Variants in AAK1 observed in about 807,000 individuals in gnomAD.
AAK1 encodes the protein AP2 associated kinase 1.
Under a neutral mutation model 116.0 loss-of-function variants are expected in AAK1, and 37 were observed. The observed-to-expected ratio is 0.32, with a 90% CI of 0.25 to 0.42. The LOEUF is 0.42. Ranked by LOEUF, AAK1 falls within the 10% of genes least tolerant of loss-of-function variation. AAK1 has a pLI of 1.00. For synonymous variants in AAK1, 458 were observed against 439.9 expected (o/e 1.04, Z -0.51); for missense variants, 919 against 1,170.6 (o/e 0.79, Z 3.14).
chr2:69,527,161 C>T, intron 9 of AAK1, 55 bp downstream of exon 9: 1 of 1,302,700 alleles, frequency 7.7e-7, no homozygotes, highest in Non-Finnish European at 1.1e-6. Flanking sequence ...ACCCCAGGAG[C>T]TCAAAATGGC....
At chr2:69,530,528 A>G in intron 7 of AAK1, 97 bp downstream of exon 7, 1 of 999,060 alleles carries the variant, frequency 1.0e-6, no homozygotes, top group South Asian at 1.4e-5. Context: ...GATATGGTAC[A>G]GTAGCCACCA....
chr2:69,558,199 G>A lies in AAK1; in HGVS notation c.164-1221C>T, dbSNP rs370412304. On this transcript the variant is annotated intron_variant, in intron 2 of 21. Coordinates refer to ENST00000409085, the MANE Select transcript of AAK1 (RefSeq NM_014911.5). ...CTCTACAAAAAATACAAAAATTAGC[G>A]AGGCATGGTGGGCGCACACCTATGG... Among the ~76,000 whole-genome samples the A allele has an allele frequency of 4.6e-5, 7 of 152,010 alleles. No individual in the cohort carries two copies. The South Asian group carries it at 6.2e-4, about 14-fold the overall frequency.
At chr2:69,477,103 G>T in intron 20 of AAK1, 113 bp from the exon 21 acceptor site, 1 of 594,146 alleles carries the variant, frequency 1.7e-6, no homozygotes, top group Non-Finnish European at 2.8e-6. Flanking sequence ...TATTTTCAAA[G>T]GTGAAAGGAT....
chr2:69,512,099 C>T (rs1306294584), intron 13 of AAK1, among the ~76,000 whole-genome samples: 1 of 152,110 alleles, frequency 6.6e-6, no homozygotes, highest in African/African-American at 2.4e-5. Flanking sequence ...TCTTTTCTGC[C>T]CCATGATGCC....
chr2:69,551,001 C>T (rs1284396223), intron 3 of AAK1, among the ~76,000 whole-genome samples: 2 of 151,994 alleles, frequency 1.3e-5, no homozygotes, highest in African/African-American at 2.4e-5. Flanking sequence ...AATCCCCATC[C>T]CCTATAGTGA....
chr2:69,593,366 A>T (rs1673119175), intron 2 of AAK1, among the ~76,000 whole-genome samples: 1 of 152,244 alleles, frequency 6.6e-6, no homozygotes, highest in East Asian at 1.9e-4. Context: ...TATTGAGTTT[A>T]AAAAAACAGG....
chr2:69,461,532 T>C lies in AAK1; in HGVS notation c.*14337A>G. The C allele has an allele frequency of 3.9e-6, 1 of 255,580 alleles. No homozygotes were observed. Among genetic ancestry groups the C allele is most frequent in the Non-Finnish European group, 7.9e-6 (1 of 126,560 alleles). 15.8% of individuals were successfully genotyped at this position (255,580 alleles called of 1,614,324 possible). A position where few individuals can be genotyped will look rare whatever the true frequency, so the allele number is the denominator to read the frequency against. Reference sequence around the variant, plus strand: ...AAAAAAAAAGTAATTTGCATGTGTTTGCATCCGTTTCTGTATTCAAAGAAG... The same window carrying C: ...AAAAAAAAAGTAATTTGCATGTGTTCGCATCCGTTTCTGTATTCAAAGAAG... On this transcript the variant is annotated 3_prime_UTR_variant, in exon 22 of 22. Coordinates refer to ENST00000409085, the MANE Select transcript of AAK1 (RefSeq NM_014911.5).
chr2:69,553,086 A>G (rs77851178), intron 3 of AAK1, among the ~76,000 whole-genome samples: 1,599 of 152,140 alleles, frequency 0.011, 30 homozygotes, highest in African/African-American at 0.036. Context: ...GAAAAAGGGG[A>G]AAAAAATGAA....
At chr2:69,501,394 T>C (rs528088560) in intron 16 of AAK1, among the ~76,000 whole-genome samples, 1 of 152,060 alleles carries the variant, frequency 6.6e-6, no homozygotes, top group Non-Finnish European at 1.5e-5. Context: ...TTTTTTTTTT[T>C]ACTAGGGAAA....
At chr2:69,591,529 T>C (rs1054998721) in intron 2 of AAK1, among the ~76,000 whole-genome samples, 3 of 148,074 alleles carry the variant, frequency 2.0e-5, no homozygotes, top group Non-Finnish European at 4.5e-5. Flanking sequence ...TTTTCTTTTT[T>C]TTTTTTTTTG....
In AAK1 at chr2:69,468,155, T is replaced by G; in HGVS notation, c.*7714A>C. On this transcript the variant is annotated 3_prime_UTR_variant, in exon 22 of 22. Coordinates refer to ENST00000409085, the MANE Select transcript of AAK1 (RefSeq NM_014911.5). ...TTTTCCTTGTATTATAATTTTAGTA[T>G]GTGCAGCTACATGGTGATACGAAAG... 1 of 985,374 alleles carries G rather than the reference T, an allele frequency of 1.0e-6. No individual in the cohort carries two copies. 61.0% of individuals were successfully genotyped at this position (985,374 alleles called of 1,614,324 possible).
chr2:69,465,628 A>G lies in AAK1; in HGVS notation c.*10241T>C. 3 of 1,290,900 alleles carry G rather than the reference A, an allele frequency of 2.3e-6. No individual in the cohort carries two copies. The highest frequency in any genetic ancestry group is 3.0e-6 in the Non-Finnish European group (3 of 988,878). 80.0% of individuals were successfully genotyped at this position (1,290,900 alleles called of 1,614,324 possible). A position where few individuals can be genotyped will look rare whatever the true frequency, so the allele number is the denominator to read the frequency against. ...TCTTCTGGGCTATAGTGACGGGAAT[A>G]CTTGGATAAGGACTGGGGGCGGAAT... On this transcript the variant is annotated 3_prime_UTR_variant, in exon 22 of 22. Coordinates refer to ENST00000409085, the MANE Select transcript of AAK1 (RefSeq NM_014911.5).
At chr2:69,557,343 C>T (rs1353781249) in intron 2 of AAK1, among the ~76,000 whole-genome samples, 9 of 150,848 alleles carry the variant, frequency 6.0e-5, no homozygotes, top group Admixed American at 3.3e-4. Context: ...CCTCTGTGGC[C>T]CAGACTGGCA....
Position 69,633,144 on chromosome 2 carries a change from G to A in AAK1, c.163+9734C>T, listed in dbSNP as rs1258804069. ...ACAGGCAGGAGAATGGCATGAACCCGGGAGGTGGAGCTTGCAGTGAGCCGA... is the reference window on the plus strand; with the variant it reads ...ACAGGCAGGAGAATGGCATGAACCCAGGAGGTGGAGCTTGCAGTGAGCCGA... On this transcript the variant is annotated intron_variant, in intron 2 of 21. Coordinates refer to ENST00000409085, the MANE Select transcript of AAK1 (RefSeq NM_014911.5). Among the ~76,000 whole-genome samples the A allele has an allele frequency of 7.3e-5, 11 of 151,674 alleles. 1 individual carries two copies. The South Asian group carries it at 1.2e-3, about 17-fold the overall frequency.
intron 2 of AAK1, among the ~76,000 whole-genome samples, chr2:69,568,423 A>C (rs184155748): frequency 6.8e-6 from 1 of 147,586 alleles, no homozygotes; most frequent in African/African-American, 2.5e-5. Flanking sequence ...AAATGTTTTC[A>C]ACTTTTTTTT....
In AAK1 at chr2:69,466,498, C is replaced by G. The variant is rs945625629; in HGVS notation, c.*9371G>C. 2 of 1,250,872 alleles carry G rather than the reference C, an allele frequency of 1.6e-6. No homozygotes were observed. Among genetic ancestry groups the G allele is most frequent in the African/African-American group, 3.1e-5 (2 of 64,750 alleles). 77.5% of individuals were successfully genotyped at this position (1,250,872 alleles called of 1,614,324 possible). A position where few individuals can be genotyped will look rare whatever the true frequency, so the allele number is the denominator to read the frequency against. ...GGAAGGCCTTTAACACCCAGTGATT[C>G]TTTAAAGTGCTCTACAGTTATTACA... On this transcript the variant is annotated 3_prime_UTR_variant, in exon 22 of 22. Transcript: ENST00000409085.
In AAK1 at chr2:69,542,670, G is replaced by C. The variant is rs753344464; in HGVS notation, c.392-5C>G. ...TCAGGTTTACCACCTGGCCACCTGA[G>C]GGGGTACGTACAGGGCAAAGGAGAC... On this transcript the variant is annotated splice_region_variant and splice_polypyrimidine_tract_variant and intron_variant, in intron 4 of 21. Coordinates refer to ENST00000409085, the MANE Select transcript of AAK1 (RefSeq NM_014911.5). The C allele has an allele frequency of 1.4e-5, 23 of 1,613,432 alleles. No individual in the cohort carries two copies. In the Admixed American group the frequency reaches 3.5e-4, roughly 25 times the overall value.
chr2:69,514,428 T>C (rs1274555834), intron 13 of AAK1, 43 bp downstream of exon 13: 3 of 1,488,422 alleles, frequency 2.0e-6, no homozygotes, highest in East Asian at 2.5e-5. Context: ...TCGCTGCACA[T>C]TCCTCTGCTG....
In AAK1 at chr2:69,643,502, C is replaced by G. The variant is rs905642309; in HGVS notation, c.-235+73G>C. 2.7e-5 allele frequency: 33 copies of G among 1,221,912 alleles called. No homozygotes were observed. In the Admixed American group the frequency reaches 7.7e-4, roughly 28 times the overall value. The allele number at this position is 1,221,912 out of a possible 1,614,324, so 75.7% of individuals were successfully genotyped here. On this transcript the variant is annotated intron_variant, in intron 1 of 21. Transcript: ENST00000409085. ...CCGAGCTGCTCCGGCAGCGCCGACCCTCCCGGGCACTGCCTCCCGCTCCTC... is the reference window on the plus strand; with the variant it reads ...CCGAGCTGCTCCGGCAGCGCCGACCGTCCCGGGCACTGCCTCCCGCTCCTC...
Sources: gnomAD v4.1 joint callset for allele counts (sites outside exome capture counted in the v4.1 genomes callset) on GRCh38, gnomAD v4.1.1 for gene constraint, MANE v1.5 for transcripts, NCBI Gene and HGNC (gene_info 2026-07-23, HGNC 2026-07-21) for gene names.